The following TBCK variants were observed in gnomAD, a reference collection of about 807,000 sequenced individuals.
The protein encoded by TBCK is TBC domain-containing protein kinase-like protein.
In TBCK, 99 loss-of-function variants were observed where a neutral mutation model predicts 113.4. The observed-to-expected ratio is 0.87, with a 90% CI of 0.74 to 1.03. The LOEUF is 1.03. Among genes scored for constraint, TBCK ranks in the 50% least tolerant of loss-of-function variants. The pLI is 0.00. For synonymous variants in TBCK, 369 were observed against 370.8 expected, an observed-to-expected ratio of 1.00 and a Z score of 0.05; for missense variants, 1,045 against 1,061.3, an observed-to-expected ratio of 0.98 and a Z score of 0.21.
chr4:106,084,884 C>T (rs965608401), intron 25 of TBCK, among the ~76,000 whole-genome samples: 23 of 152,152 alleles, frequency 1.5e-4, no homozygotes, highest in African/African-American at 5.6e-4. Flanking sequence ...CAAGCAAATG[C>T]TGAGGAATTT....
chr4:106,249,132 A>G (rs1761160948), intron 7 of TBCK, 150 bp from the exon 8 acceptor site: 3 of 536,600 alleles, frequency 5.6e-6, no homozygotes, highest in Non-Finnish European at 9.7e-6. Context: ...AAATTTCTTT[A>G]CATGTTTTGA....
intron 1 of TBCK, among the ~76,000 whole-genome samples, chr4:106,315,250 GT>G (rs921502545): frequency 1.3e-5 from 2 of 150,138 alleles, no homozygotes; most frequent in Non-Finnish European, 3.0e-5. Flanking sequence ...TAAGTCAGTT[GT>G]TTTTCCAGCT....
At chr4:106,288,107 A>C (rs1765299360) in intron 3 of TBCK, among the ~76,000 whole-genome samples, 1 of 128,066 alleles carries the variant, frequency 7.8e-6, no homozygotes, top group African/African-American at 3.2e-5. Flanking sequence ...ACCCTTTCTT[A>C]AAAAAAAAAA....
intron 19 of TBCK, among the ~76,000 whole-genome samples, chr4:106,217,625 C>G (rs1238594000): frequency 4.0e-5 from 6 of 150,674 alleles, no homozygotes; most frequent in African/African-American, 4.8e-5. Context: ...ACAATTGCTT[C>G]AAAGAGAATA....
At chr4:106,057,655 T>G (rs575528725) in intron 25 of TBCK, among the ~76,000 whole-genome samples, 3 of 151,836 alleles carry the variant, frequency 2.0e-5, no homozygotes, top group African/African-American at 7.2e-5. Context: ...CAATTTGTAT[T>G]ACTGAAATCC....
intron 12 of TBCK, among the ~76,000 whole-genome samples, chr4:106,242,175 C>A (rs1760217370): frequency 6.6e-6 from 1 of 151,826 alleles, no homozygotes; most frequent in Non-Finnish European, 1.5e-5. Flanking sequence ...CCTTTCCATA[C>A]CATTAGATTA....
intron 23 of TBCK, among the ~76,000 whole-genome samples, chr4:106,116,980 C>A (rs947615719): frequency 2.6e-5 from 4 of 152,034 alleles, no homozygotes; most frequent in Non-Finnish European, 4.4e-5. Context: ...TCATCCCCCC[C>A]CCATCTCAAA....
intron 25 of TBCK, among the ~76,000 whole-genome samples, chr4:106,089,099 C>T (rs1339677911): frequency 6.6e-6 from 1 of 151,332 alleles, no homozygotes; most frequent in African/African-American, 2.4e-5. Context: ...GTAGGCTTTA[C>T]AGGAAGTGTG....
chr4:106,188,203 T>C (rs1753254865), intron 22 of TBCK, among the ~76,000 whole-genome samples: 1 of 152,214 alleles, frequency 6.6e-6, no homozygotes, highest in Non-Finnish European at 1.5e-5. Flanking sequence ...CAGATGGCTC[T>C]TATTATTTCA....
intron 22 of TBCK, among the ~76,000 whole-genome samples, chr4:106,187,815 AT>A (rs1753198897): frequency 1.3e-5 from 2 of 152,122 alleles, no homozygotes; most frequent in African/African-American, 4.8e-5. Context: ...TTTATTGGCT[AT>A]TGTAAGTGAG....
rs187727795 is a variant in TBCK at position 106,274,986 on chromosome 4, T to A, written c.267-12774A>T. 5.2e-3 allele frequency among the ~76,000 whole-genome samples: 798 copies of A among 152,048 alleles called. 3 individuals carry two copies. The highest frequency in any genetic ancestry group is 9.5e-3 in the Admixed American group (145 of 15,270). On this transcript the variant is annotated intron_variant, in intron 3 of 25. Transcript: ENST00000394708. ...ATCTATACCAAAAAGCTTTAAAGTATGTAGGTGTGGTGGTGTGTGCCTGTA... is the reference window on the plus strand; with the variant it reads ...ATCTATACCAAAAAGCTTTAAAGTAAGTAGGTGTGGTGGTGTGTGCCTGTA...
chr4:106,188,009 TTTC>T (rs534414219), intron 22 of TBCK, among the ~76,000 whole-genome samples: 2 of 152,206 alleles, frequency 1.3e-5, no homozygotes, highest in South Asian at 2.1e-4. Flanking sequence ...GACAGTTTGA[TTTC>T]TTTTCTTCCT....
intron 3 of TBCK, among the ~76,000 whole-genome samples, chr4:106,286,011 T>C (rs1001313228): frequency 6.6e-5 from 10 of 152,182 alleles, no homozygotes; most frequent in African/African-American, 2.2e-4. Flanking sequence ...GATGGATGGA[T>C]CAGATAACAA....
intron 22 of TBCK, chr4:106,182,558 A>G (rs1752519095): frequency 6.6e-6 from 1 of 152,070 alleles, no homozygotes; most frequent in African/African-American, 2.4e-5. Flanking sequence ...TACCTAGTTT[A>G]TTGAGAGTTT....
chr4:106,207,715 C>T (rs1755687604), intron 20 of TBCK, among the ~76,000 whole-genome samples: 1 of 152,076 alleles, frequency 6.6e-6, no homozygotes, highest in South Asian at 2.1e-4. Context: ...TTTATATTAT[C>T]CACAGGCTTG....
In TBCK at chr4:106,278,938, T is replaced by C. The variant is rs901271174; in HGVS notation, c.266+16156A>G. Among the ~76,000 whole-genome samples, 4 of 152,148 alleles carry C rather than the reference T, an allele frequency of 2.6e-5. 1 individual carries two copies. Among genetic ancestry groups the C allele is most frequent in the South Asian group, 4.1e-4 (2 of 4,828 alleles). On this transcript the variant is annotated intron_variant, in intron 3 of 25. Coordinates refer to ENST00000394708, the MANE Select transcript of TBCK (RefSeq NM_001163435.3). ...ATAAAATGAAACAACAAAAAAAACC[T>C]CTGAGTCTCTTGTAGCCTAATTCCA...
In TBCK at chr4:106,171,086, A is replaced by C; in HGVS notation, c.2235+9T>G. 6.4e-7 allele frequency: 1 copy of C among 1,569,762 alleles called. No homozygotes were observed. Among genetic ancestry groups the C allele is most frequent in the Non-Finnish European group, 8.6e-7 (1 of 1,162,424 alleles). ...TTAGAGTTTGTAAACTAAATCCGCA[A>C]ATACATACCAGATCTGTCTTTGGAG... On this transcript the variant is annotated intron_variant, in intron 23 of 25. Coordinates refer to ENST00000394708, the MANE Select transcript of TBCK (RefSeq NM_001163435.3).
intron 19 of TBCK, among the ~76,000 whole-genome samples, chr4:106,214,988 G>T (rs1398320714): frequency 1.3e-5 from 2 of 151,078 alleles, no homozygotes; most frequent in Non-Finnish European, 2.9e-5. Context: ...ACCCTCAAAG[G>T]GAAGCCCATC....
chr4:106,226,776 C>T (rs1758294609), intron 19 of TBCK, among the ~76,000 whole-genome samples: 1 of 152,076 alleles, frequency 6.6e-6, no homozygotes, highest in Non-Finnish European at 1.5e-5. Context: ...ATTAAATCCA[C>T]TCATTTTTCT....
Sources: gnomAD v4.1 joint callset for allele counts (sites outside exome capture counted in the v4.1 genomes callset) on GRCh38, gnomAD v4.1.1 for gene constraint, MANE v1.5 for transcripts, NCBI Gene and HGNC (gene_info 2026-07-23, HGNC 2026-07-21) for gene names.